TRAF1: variants seen among roughly 807,000 people sequenced by gnomAD.
TRAF1 encodes TNF receptor-associated factor 1.
In TRAF1, 23 loss-of-function variants were observed where a neutral mutation model predicts 40.9. The observed-to-expected ratio is 0.56, with a 90% CI of 0.40 to 0.80. TRAF1 has a LOEUF of 0.80. Among genes scored for constraint, TRAF1 ranks in the 30% least tolerant of loss-of-function variants. TRAF1 has a pLI of 0.00. For missense variants in TRAF1, 477 were observed against 528.7 expected (o/e 0.90, Z 0.96); for synonymous variants, 206 against 218.8 (o/e 0.94, Z 0.52).
At chr9:120,914,896 T>G (rs1034524289) in intron 3 of TRAF1, among the ~76,000 whole-genome samples, 2 of 152,218 alleles carry the variant, frequency 1.3e-5, no homozygotes, top group Non-Finnish European at 2.9e-5. Context: ...TTAGCCTATT[T>G]AGGTCTGAAG....
intron 3 of TRAF1, 179 bp from the exon 4 acceptor site, chr9:120,914,479 T>C: frequency 8.2e-7 from 1 of 1,218,360 alleles, no homozygotes; most frequent in Non-Finnish European, 1.0e-6. Flanking sequence ...TTCCATGACC[T>C]TCCTTCAAAA....
In TRAF1 at chr9:120,926,223, G is replaced by A. The variant is rs902643705; in HGVS notation, c.-148C>T. On this transcript the variant is annotated 5_prime_UTR_variant, in exon 2 of 8. It adds an upstream start codon to the 5' untranslated region. Transcript: ENST00000373887. The stretch of plus-strand genomic sequence containing the variant: ...TTCTCTCTGGCTTGTGTGGTTCAAC[G>A]TCACAGCTGAGTCACAGCAGGGATG... 28 of 852,922 alleles carry A rather than the reference G, an allele frequency of 3.3e-5. No homozygotes were observed. Among genetic ancestry groups the A allele is most frequent in the African/African-American group, 1.8e-5 (1 of 56,330 alleles). The allele number at this position is 852,922 out of a possible 1,614,324, so 52.8% of individuals were successfully genotyped here.
At chr9:120,914,096 T>G in intron 4 of TRAF1, 139 bp downstream of exon 4, 1 of 709,134 alleles carries the variant, frequency 1.4e-6, no homozygotes, top group South Asian at 3.8e-5. Flanking sequence ...GCTCTGATGC[T>G]TGGGAAAGTC....
At position 120,914,338 on chromosome 9, in the gene TRAF1, T is replaced by A. The variant is rs779572808; in HGVS notation, c.229-38A>T. On this transcript the variant is annotated intron_variant, in intron 3 of 7. Transcript: ENST00000373887. The stretch of plus-strand genomic sequence containing the variant: ...ATCACATCACTGAATGTTATAGCGA[T>A]CCCTGTGGCTACCCTGGGGCTCTCT... The A allele has an allele frequency of 4.2e-6, 6 of 1,415,806 alleles. No individual in the cohort carries two copies. In the East Asian group the frequency reaches 7.5e-5, roughly 18 times the overall value. The allele number at this position is 1,415,806 out of a possible 1,614,324, so 87.7% of individuals were successfully genotyped here.
chr9:120,913,581 T>C lies in TRAF1; in HGVS notation c.452A>G (p.Gln151Arg). 6.2e-7 allele frequency: 1 copy of C among 1,613,960 alleles called. No homozygotes were observed. Among genetic ancestry groups the C allele is most frequent in the Non-Finnish European group, 8.5e-7 (1 of 1,179,978 alleles). ...LEQNLSDLQL[Q>R]AAVEVAGDLE... ...GTCCCCCGCCACTTCCACGGCTGCC[T>C]GCAGCTGCAGGTCTGACAGGTTCTG... The change falls in exon 5 of 8, where the codon CAG (glutamine) becomes CGG (arginine). Residue 151 changes from glutamine (Q) to arginine (R), a missense_variant. By Grantham distance (43) the Gln-to-Arg change is conservative (BLOSUM62 1). Coordinates refer to ENST00000373887, the MANE Select transcript of TRAF1 (RefSeq NM_005658.5).
At chr9:120,912,471 A>G (rs1219117908) in intron 5 of TRAF1, among the ~76,000 whole-genome samples, 4 of 152,156 alleles carry the variant, frequency 2.6e-5, no homozygotes, top group Admixed American at 2.0e-4. Context: ...CCTGACCAAC[A>G]TGGTGAAACC....
chr9:120,911,358 C>T lies in TRAF1; in HGVS notation c.861G>A (p.Arg287=). 1.9e-6 allele frequency: 3 copies of T among 1,613,482 alleles called. No individual in the cohort carries two copies. Among genetic ancestry groups the T allele is most frequent in the Non-Finnish European group, 2.5e-6 (3 of 1,179,960 alleles). Residue 287 remains arginine (R), a synonymous_variant, in exon 6 of 8, where the codon AGG becomes AGA. Coordinates refer to ENST00000373887, the MANE Select transcript of TRAF1 (RefSeq NM_005658.5). ...TACCTGGGGAGAAGAGGCTGACGGT[C>T]CTGCCACAGGCCGACTCATGGCACC... The part of the protein sequence containing the change: ...TRRCHESACG[R]TVSLFSPAFY...
At chr9:120,911,185 G>T in intron 6 of TRAF1, 151 bp downstream of exon 6, 1 of 894,324 alleles carries the variant, frequency 1.1e-6, no homozygotes, top group Non-Finnish European at 1.7e-6. Flanking sequence ...TCCCAGCATG[G>T]TTCCTGCCCA....
intron 5 of TRAF1, among the ~76,000 whole-genome samples, chr9:120,912,686 A>AAAAGT (rs2046537398): frequency 6.6e-6 from 1 of 151,822 alleles, no homozygotes; most frequent in Admixed American, 6.6e-5. Context: ...GAAAGAAAAG[A>AAAAGT]AAAGTATAAG....
intron 7 of TRAF1, among the ~76,000 whole-genome samples, chr9:120,906,186 T>TG (rs2046481286): frequency 6.7e-6 from 1 of 149,852 alleles, no homozygotes; most frequent in Admixed American, 6.6e-5. Flanking sequence ...TTTTTTTTTT[T>TG]TTTTTTTTTT....
Position 120,916,837 on chromosome 9 carries a change from A to T in TRAF1, c.229-2537T>A, listed in dbSNP as rs73545707. ...AGTCTGTGGTGATGAAACCTCCCCA[A>T]ACATGTAGCTTTTGACATGTGAGAA... On this transcript the variant is annotated intron_variant, in intron 3 of 7. Coordinates refer to ENST00000373887, the MANE Select transcript of TRAF1 (RefSeq NM_005658.5). 7.9e-3 allele frequency among the ~76,000 whole-genome samples: 1,200 copies of T among 152,252 alleles called. 17 individuals carry two copies. Among genetic ancestry groups the T allele is most frequent in the East Asian group, 0.024 (124 of 5,186 alleles).
Position 120,923,755 on chromosome 9 carries a change from C to T in TRAF1, c.178G>A (p.Glu60Lys), listed in dbSNP as rs765796894. The change falls in exon 3 of 8, where the codon GAA (glutamate) becomes AAA (lysine). Residue 60 changes from glutamate (E) to lysine (K), a missense_variant. Glu to Lys is a moderately conservative substitution (Grantham distance 56, BLOSUM62 1). Coordinates refer to ENST00000373887, the MANE Select transcript of TRAF1 (RefSeq NM_005658.5). ...EDQICPKCRG[E>K]DLQSISPGSR... is the part of the protein sequence containing the mutation. ...CCTGGGCTTATAGACTGGAGGTCTT[C>T]CCCTCTGCATTTGGGGCAGATCTGA... is the stretch of plus-strand genomic sequence containing the variant. 6.2e-7 allele frequency: 1 copy of T among 1,614,094 alleles called. No homozygotes were observed.
rs2046547657 is a variant in TRAF1 at position 120,913,655 on chromosome 9, C to A, written c.378G>T (p.Trp126Cys). 4 of 1,613,326 alleles carry A rather than the reference C, an allele frequency of 2.5e-6. No homozygotes were observed. The highest frequency in any genetic ancestry group is 1.3e-5 in the African/African-American group (1 of 74,936). ...CCAGGCCACAGCCCAGCCGGGCCTT[C>A]CACTGTTTCATGAACCCCAACAGCA... ...LNLLLGFMKQ[W>C]KARLGCGLES... Residue 126 changes from tryptophan to cysteine, a missense_variant, in exon 5 of 8, where the codon TGG becomes TGT. Coordinates refer to ENST00000373887, the MANE Select transcript of TRAF1 (RefSeq NM_005658.5).
At position 120,911,206 on chromosome 9, in the gene TRAF1, C is replaced by G. The variant is rs1198382534; in HGVS notation, c.883+130G>C. On this transcript the variant is annotated intron_variant, in intron 6 of 7. Transcript: ENST00000373887. ...CATGGTTCCTGCCCATGGTGAGTGG[C>G]CTGAATGGGCACTGGCCTAAACTGG... 7 of 1,072,490 alleles carry G rather than the reference C, an allele frequency of 6.5e-6. No individual in the cohort carries two copies. The Admixed American group carries it at 8.1e-5, about 12-fold the overall frequency. The allele number at this position is 1,072,490 out of a possible 1,614,324, so 66.4% of individuals were successfully genotyped here.
At chr9:120,917,061 C>T (rs895078705) in intron 3 of TRAF1, among the ~76,000 whole-genome samples, 4 of 152,164 alleles carry the variant, frequency 2.6e-5, no homozygotes, top group African/African-American at 7.2e-5. Context: ...GACATCACCC[C>T]GCAGGTGGAG....
Position 120,903,515 on chromosome 9 carries a change from G to C in TRAF1, c.*1505C>G, listed in dbSNP as rs1470200366. The C allele has an allele frequency of 6.6e-6, 1 of 152,346 alleles. No homozygotes were observed. Among genetic ancestry groups the C allele is most frequent in the Admixed American group, 6.5e-5 (1 of 15,282 alleles). The allele number at this position is 152,346 out of a possible 1,614,324, so 9.4% of individuals were successfully genotyped here. A position where few individuals can be genotyped will look rare whatever the true frequency, so the allele number is the denominator to read the frequency against. ...GAAGGGCTACTGACCCATTTTTATA[G>C]AAGCAACCCTAACGATTTGAGCAAT... On this transcript the variant is annotated 3_prime_UTR_variant, in exon 8 of 8. Coordinates refer to ENST00000373887, the MANE Select transcript of TRAF1 (RefSeq NM_005658.5).
chr9:120,918,964 C>T (rs952546689), intron 3 of TRAF1, among the ~76,000 whole-genome samples: 2 of 152,160 alleles, frequency 1.3e-5, no homozygotes, highest in Non-Finnish European at 2.9e-5. Context: ...AGCCCAGGGG[C>T]GATCAGTGAC....
chr9:120,910,520 C>T (rs773678237), intron 6 of TRAF1, among the ~76,000 whole-genome samples: 2 of 152,152 alleles, frequency 1.3e-5, no homozygotes, highest in Non-Finnish European at 2.9e-5. Context: ...CTCAGCCTCT[C>T]AAGTAGCTAG....
Position 120,925,893 on chromosome 9 carries a change from GGC to G in TRAF1, c.140+41_140+42del. ...CACCTCCCATCAGGGGTCCCTCCCT[GGC>G]ACCCACTTTCTGCCCACCCTCCGCT... is the stretch of plus-strand genomic sequence containing the variant. On this transcript the variant is annotated intron_variant, in intron 2 of 7. Transcript: ENST00000373887. 1.9e-6 allele frequency: 3 copies of G among 1,612,198 alleles called. No homozygotes were observed. The South Asian group carries it at 3.3e-5, about 18-fold the overall frequency.
Sources: allele counts gnomAD v4.1 joint callset (sites outside exome capture counted in the v4.1 genomes callset), GRCh38; gene constraint gnomAD v4.1.1; transcripts MANE v1.5; gene names NCBI Gene and HGNC (gene_info 2026-07-23, HGNC 2026-07-21).